Variants in DGKI observed in about 807,000 individuals in gnomAD.
The protein encoded by DGKI is diacylglycerol kinase iota.
Under a neutral mutation model 147.5 loss-of-function variants are expected in DGKI, and 55 were observed. The observed-to-expected ratio is 0.37, with a 90% CI of 0.30 to 0.47. The LOEUF is 0.47. Ranked by LOEUF, DGKI falls within the 20% of genes least tolerant of loss-of-function variation. DGKI has a pLI of 1.00. For synonymous variants in DGKI, 469 were observed against 477.1 expected (o/e 0.98, Z 0.22); for missense variants, 1,007 against 1,323.8 (o/e 0.76, Z 3.71).
rs188021363 is a variant in DGKI, at chr7:137,384,447, T to C, written c.*6773A>G. The C allele has an allele frequency of 7.2e-5, 11 of 151,938 alleles. No individual in the cohort carries two copies. The highest frequency in any genetic ancestry group is 5.8e-4 in the East Asian group (3 of 5,160). The allele number at this position is 151,938 out of a possible 1,614,324, so 9.4% of individuals were successfully genotyped here. A position where few individuals can be genotyped will look rare whatever the true frequency, so the allele number is the denominator to read the frequency against. ...TTCTATATTATGGAAATCTGAACAA[T>C]TGATATAAAACATCCTTGAAGGCAA... On this transcript the variant is annotated 3_prime_UTR_variant, in exon 33 of 33. Coordinates refer to ENST00000614521, the MANE Select transcript of DGKI (RefSeq NM_001321708.2).
At chr7:137,664,389 AAAAAAAAAAG>A (rs1237192117) in intron 3 of DGKI, among the ~76,000 whole-genome samples, 11 of 139,714 alleles carry the variant, frequency 7.9e-5, no homozygotes, top group African/African-American at 3.6e-4. Flanking sequence ...AAAAAAAAAA[AAAAAAAAAAG>A]AAAGAAAGAA....
At chr7:137,517,225 AAAAGAAAG>A (rs1282572073) in intron 21 of DGKI, among the ~76,000 whole-genome samples, 2 of 137,418 alleles carry the variant, frequency 1.5e-5, no homozygotes, top group South Asian at 2.3e-4. Flanking sequence ...AAAGAAAAGA[AAAAGAAAG>A]AAAGAAAGAA....
intron 1 of DGKI, chr7:137,771,844 G>A (rs1011226075): frequency 4.6e-5 from 7 of 152,150 alleles, no homozygotes; most frequent in African/African-American, 9.7e-5. Flanking sequence ...TCTCCAACTC[G>A]AACTGGGAAA....
chr7:137,665,490 G>T (rs1822604703), intron 3 of DGKI, among the ~76,000 whole-genome samples: 1 of 152,176 alleles, frequency 6.6e-6, no homozygotes. Context: ...GGTTGGAATT[G>T]CCTCTCGAGT....
chr7:137,783,549 A>G (rs567891261), intron 1 of DGKI, among the ~76,000 whole-genome samples: 9 of 152,376 alleles, frequency 5.9e-5, no homozygotes, highest in African/African-American at 2.2e-4. Flanking sequence ...TTTGGAAAAC[A>G]TATCTGAGGG....
At chr7:137,751,795 C>T (rs759178387) in intron 1 of DGKI, among the ~76,000 whole-genome samples, 1 of 152,136 alleles carries the variant, frequency 6.6e-6, no homozygotes, top group African/African-American at 2.4e-5. Context: ...AGTGAGCCAG[C>T]CTGCATTCCA....
intron 8 of DGKI, among the ~76,000 whole-genome samples, chr7:137,618,151 A>ATATTTTTT: frequency 9.6e-4 from 10 of 10,464 alleles, no homozygotes; most frequent in Non-Finnish European, 1.2e-3. Flanking sequence ...ATATATATAT[A>ATATTTTTT]TTTTTTTTTT....
chr7:137,623,457 A>G lies in DGKI; in HGVS notation c.876+26T>C, dbSNP rs373454508. The G allele has an allele frequency of 3.7e-6, 6 of 1,604,574 alleles. No homozygotes were observed. In the African/African-American group the frequency reaches 5.4e-5, roughly 14 times the overall value. On this transcript the variant is annotated intron_variant, in intron 7 of 32. Transcript: ENST00000614521. Reference sequence around the variant, plus strand: ...GTATTTCGACAAAACATGAGCCCACATTGCTTTATTTCATCCCAATCTTAC... The same window carrying G: ...GTATTTCGACAAAACATGAGCCCACGTTGCTTTATTTCATCCCAATCTTAC...
At chr7:137,685,264 G>T (rs886881578) in intron 2 of DGKI, among the ~76,000 whole-genome samples, 1 of 152,194 alleles carries the variant, frequency 6.6e-6, no homozygotes, top group Non-Finnish European at 1.5e-5. Context: ...AATGAGGAAG[G>T]AAAACAAAAT....
intron 8 of DGKI, among the ~76,000 whole-genome samples, chr7:137,612,243 GTAA>G (rs1820389653): frequency 2.4e-5 from 1 of 42,462 alleles, no homozygotes; most frequent in East Asian, 7.4e-4. Context: ...TTTTTTTTTT[GTAA>G]CACAGAGGTA....
At position 137,657,255 on chromosome 7, in the gene DGKI, C is replaced by T. The variant is rs145456485; in HGVS notation, c.607-715G>A. 2.2e-3 allele frequency among the ~76,000 whole-genome samples: 329 copies of T among 152,324 alleles called. 2 individuals carry two copies. The highest frequency in any genetic ancestry group is 7.4e-3 in the African/African-American group (306 of 41,580). The stretch of plus-strand genomic sequence containing the variant: ...AACCCTCACAACCCTATGAAACAGG[C>T]CCTATTCTTAATTCCATTTCACTGA... On this transcript the variant is annotated intron_variant, in intron 3 of 32. Coordinates refer to ENST00000614521, the MANE Select transcript of DGKI (RefSeq NM_001321708.2).
intron 32 of DGKI, 91 bp from the exon 33 acceptor site, chr7:137,391,427 C>T: frequency 2.2e-6 from 2 of 889,210 alleles, no homozygotes; most frequent in South Asian, 1.7e-5. Context: ...CAAAACAAAA[C>T]AAAAATCACA....
rs1299389504 is a variant in DGKI at position 137,389,132 on chromosome 7, C to T, written c.*2088G>A. 1 of 152,184 alleles carries T rather than the reference C, an allele frequency of 6.6e-6. No homozygotes were observed. Among genetic ancestry groups the T allele is most frequent in the Non-Finnish European group, 1.5e-5 (1 of 68,020 alleles). 9.4% of individuals were successfully genotyped at this position (152,184 alleles called of 1,614,324 possible). ...GTTAAGGATTATATTTCTGTCATCACATTTCCTTGACAGTCCCGCCAACTA... is the reference window on the plus strand; with the variant it reads ...GTTAAGGATTATATTTCTGTCATCATATTTCCTTGACAGTCCCGCCAACTA... On this transcript the variant is annotated 3_prime_UTR_variant, in exon 33 of 33. Transcript: ENST00000614521.
At chr7:137,608,889 T>C in intron 10 of DGKI, 77 bp downstream of exon 10, 1 of 1,150,446 alleles carries the variant, frequency 8.7e-7, no homozygotes, top group Non-Finnish European at 1.3e-6. Context: ...AGTGGTACTA[T>C]TTTAATTGGC....
intron 21 of DGKI, among the ~76,000 whole-genome samples, chr7:137,500,333 T>C (rs1186719326): frequency 1.3e-5 from 2 of 152,202 alleles, no homozygotes; most frequent in African/African-American, 4.8e-5. Flanking sequence ...ATTTTACGTG[T>C]GCATGCTCTG....
intron 12 of DGKI, 57 bp from the exon 13 acceptor site, chr7:137,587,267 A>G (rs1819440952): frequency 6.5e-6 from 9 of 1,380,560 alleles, no homozygotes. Flanking sequence ...GTTACAAAGA[A>G]AACAGTTTGA....
chr7:137,840,665 A>G (rs1303329349), intron 1 of DGKI, among the ~76,000 whole-genome samples: 1 of 152,236 alleles, frequency 6.6e-6, no homozygotes, highest in Non-Finnish European at 1.5e-5. Context: ...AGCTGTAAAC[A>G]GTAACGCAGT....
chr7:137,581,199 G>C (rs1043406014), intron 15 of DGKI, among the ~76,000 whole-genome samples: 1 of 152,088 alleles, frequency 6.6e-6, no homozygotes, highest in East Asian at 1.9e-4. Flanking sequence ...CAAAAATTCT[G>C]TTCCCCTAAT....
At chr7:137,414,222 T>C (rs1812274296) in intron 28 of DGKI, among the ~76,000 whole-genome samples, 1 of 152,148 alleles carries the variant, frequency 6.6e-6, no homozygotes. Flanking sequence ...TCACTGCCCC[T>C]GGGCTGAGTG....
Sources: allele counts gnomAD v4.1 joint callset (sites outside exome capture counted in the v4.1 genomes callset), GRCh38; gene constraint gnomAD v4.1.1; transcripts MANE v1.5; gene names NCBI Gene and HGNC (gene_info 2026-07-23, HGNC 2026-07-21).